The following CCDC60 variants were observed in gnomAD, a reference collection of about 807,000 sequenced individuals.
CCDC60 encodes the protein coiled-coil domain-containing protein 60.
CCDC60 carries 54 observed loss-of-function variants against 63.5 expected under a neutral mutation model. The observed-to-expected ratio is 0.85, with a 90% CI of 0.68 to 1.07. The LOEUF is 1.07. Among genes scored for constraint, CCDC60 ranks in the 50% least tolerant of loss-of-function variants. CCDC60 has a pLI of 0.00. For missense variants in CCDC60, 651 were observed against 684.3 expected (o/e 0.95, Z 0.54); for synonymous variants, 206 against 238.8 (o/e 0.86, Z 1.27).
In CCDC60 at chr12:119,482,147, C is replaced by CACACACAGAT. The variant is rs1951342785; in HGVS notation, c.449+2953_449+2954insGATACACACA. Among the ~76,000 whole-genome samples, 5 of 143,892 alleles carry CACACACAGAT rather than the reference C, an allele frequency of 3.5e-5. No homozygotes were observed. The South Asian group carries it at 1.1e-3, about 31-fold the overall frequency. 94.4% of individuals were successfully genotyped at this position (143,892 alleles called of 152,430 possible). On this transcript the variant is annotated intron_variant, in intron 4 of 13. Coordinates refer to ENST00000327554, the MANE Select transcript of CCDC60 (RefSeq NM_178499.5). ...ACATATATATACACATATATATACACACACACACACATACACACACACACA... is the reference window on the plus strand; with the variant it reads ...ACATATATATACACATATATATACACACACACAGATACACACACACATACACACACACACA...
intron 1 of CCDC60, among the ~76,000 whole-genome samples, chr12:119,376,852 G>A (rs1439713220): frequency 3.3e-5 from 5 of 152,108 alleles, no homozygotes; most frequent in Non-Finnish European, 7.4e-5. Context: ...ATTGGGGGAT[G>A]TTCTGTAGCT....
chr12:119,540,543 A>C, intron 13 of CCDC60, 71 bp from the exon 14 acceptor site: 1 of 1,046,662 alleles, frequency 9.6e-7, no homozygotes, highest in Non-Finnish European at 1.5e-6. Context: ...CAGGATCTTG[A>C]GGGGAGGGAG....
intron 2 of CCDC60, among the ~76,000 whole-genome samples, chr12:119,451,615 G>A (rs554958144): frequency 6.6e-5 from 10 of 152,186 alleles, no homozygotes; most frequent in East Asian, 3.9e-4. Context: ...GGAAGTCTCC[G>A]GCCCTCAAAT....
At chr12:119,400,580 C>T (rs1235437221) in intron 1 of CCDC60, among the ~76,000 whole-genome samples, 1 of 152,248 alleles carries the variant, frequency 6.6e-6, no homozygotes, top group East Asian at 1.9e-4. Context: ...AGTTGTCCCT[C>T]GCCTCCCAGT....
intron 3 of CCDC60, among the ~76,000 whole-genome samples, chr12:119,476,276 T>A (rs1163091000): frequency 6.6e-6 from 1 of 152,194 alleles, no homozygotes; most frequent in African/African-American, 2.4e-5. Flanking sequence ...GGGTAAAATT[T>A]GTTTTATTAT....
intron 1 of CCDC60, among the ~76,000 whole-genome samples, chr12:119,425,890 G>C (rs966831300): frequency 6.6e-6 from 1 of 152,208 alleles, no homozygotes; most frequent in Non-Finnish European, 1.5e-5. Context: ...GGCCTCCCCT[G>C]CTGCTGGTAA....
rs778087938 is a variant in CCDC60 at position 119,520,111 on chromosome 12, T to C, written c.969-10T>C. On this transcript the variant is annotated splice_polypyrimidine_tract_variant and intron_variant, in intron 8 of 13. Transcript: ENST00000327554. ...CAGCGCCTTGTTAAAGGACTCATTT[T>C]GCCTTGCAGCATCTTGTCAGTGCTG... 6.2e-7 allele frequency: 1 copy of C among 1,612,850 alleles called. No individual in the cohort carries two copies. The highest frequency in any genetic ancestry group is 1.1e-5 in the South Asian group (1 of 90,684).
chr12:119,523,601 C>T, intron 10 of CCDC60, 92 bp from the exon 11 acceptor site: 3 of 1,567,460 alleles, frequency 1.9e-6, no homozygotes, highest in Admixed American at 1.7e-5. Flanking sequence ...ATGCAGAGCA[C>T]CTTGGGGCTA....
At chr12:119,377,249 C>A (rs1424110851) in intron 1 of CCDC60, among the ~76,000 whole-genome samples, 2 of 88,458 alleles carry the variant, frequency 2.3e-5, no homozygotes, top group Admixed American at 1.7e-4. Flanking sequence ...AGCAACACTC[C>A]ATCTCAAAAA....
chr12:119,400,102 T>G (rs1347976701), intron 1 of CCDC60, among the ~76,000 whole-genome samples: 1 of 145,422 alleles, frequency 6.9e-6, no homozygotes, highest in Non-Finnish European at 1.5e-5. Flanking sequence ...CAGGCTGGAG[T>G]GCAGTGGCGC....
intron 3 of CCDC60, among the ~76,000 whole-genome samples, chr12:119,476,486 T>G (rs112612104): frequency 0.017 from 2,645 of 152,270 alleles, 88 homozygotes; most frequent in African/African-American, 0.06. Context: ...CTGGTCCTAA[T>G]TTTTGTTAAC....
chr12:119,532,419 A>ATTATTATTATTG (rs1409089254), intron 13 of CCDC60, among the ~76,000 whole-genome samples: 2 of 146,724 alleles, frequency 1.4e-5, no homozygotes, highest in Non-Finnish European at 3.0e-5. Flanking sequence ...TATTATTATT[A>ATTATTATTATTG]TTATTATTAT....
At chr12:119,360,806 G>A (rs1426661689) in intron 1 of CCDC60, among the ~76,000 whole-genome samples, 1 of 152,160 alleles carries the variant, frequency 6.6e-6, no homozygotes, top group Non-Finnish European at 1.5e-5. Context: ...GGAGGTTGTA[G>A]CGAGCCGAGA....
chr12:119,397,994 GGTGTGGGGGGAT>G (rs1263635616), intron 1 of CCDC60, among the ~76,000 whole-genome samples: 8 of 36,166 alleles, frequency 2.2e-4, no homozygotes, highest in East Asian at 1.2e-3. Context: ...AGGAAGGGGC[GGTGTGGGGGGAT>G]GGGAGGAAGG....
intron 7 of CCDC60, 52 bp downstream of exon 7, chr12:119,505,355 C>G: frequency 7.7e-7 from 1 of 1,297,250 alleles, no homozygotes; most frequent in East Asian, 2.3e-5. Context: ...TGCCTTTAAG[C>G]CAGACATCAA....
intron 2 of CCDC60, among the ~76,000 whole-genome samples, chr12:119,458,691 A>G (rs1345926004): frequency 1.3e-5 from 2 of 152,160 alleles, no homozygotes; most frequent in Non-Finnish European, 2.9e-5. Context: ...GTATTCAGGC[A>G]GAGTGCCCTC....
In CCDC60 at chr12:119,511,570, A is replaced by G. The variant is rs545505804; in HGVS notation, c.884-5053A>G. Among the ~76,000 whole-genome samples the G allele has an allele frequency of 2.6e-5, 4 of 152,240 alleles. No homozygotes were observed. The East Asian group carries it at 7.7e-4, about 29-fold the overall frequency. On this transcript the variant is annotated intron_variant, in intron 7 of 13. Coordinates refer to ENST00000327554, the MANE Select transcript of CCDC60 (RefSeq NM_178499.5). The stretch of plus-strand genomic sequence containing the variant: ...CAAACCAGCCCCGTACAACAAAAAG[A>G]CTTCCTCTATTCCCCCTCCCCAAAA...
At chr12:119,366,227 A>G (rs866660655) in intron 1 of CCDC60, among the ~76,000 whole-genome samples, 1 of 152,204 alleles carries the variant, frequency 6.6e-6, no homozygotes, top group Non-Finnish European at 1.5e-5. Flanking sequence ...TGTGATAGAC[A>G]TTTCTTAAAA....
intron 7 of CCDC60, among the ~76,000 whole-genome samples, chr12:119,515,420 A>G (rs1346537378): frequency 3.3e-5 from 5 of 152,088 alleles, no homozygotes; most frequent in African/African-American, 1.2e-4. Context: ...TCCCAGGCTC[A>G]GGTGATTCTC....
Sources: gnomAD v4.1 joint callset for allele counts (sites outside exome capture counted in the v4.1 genomes callset) on GRCh38, gnomAD v4.1.1 for gene constraint, MANE v1.5 for transcripts, NCBI Gene and HGNC (gene_info 2026-07-23, HGNC 2026-07-21) for gene names.